The following ABHD6 variants were observed in gnomAD, a reference collection of about 807,000 sequenced individuals.
ABHD6 encodes the protein abhydrolase domain containing 6, acylglycerol lipase.
ABHD6 carries 33 observed loss-of-function variants against 38.8 expected under a neutral mutation model. That is an observed-to-expected ratio of 0.85 (90% CI 0.64 to 1.14). ABHD6 has a LOEUF of 1.14. ABHD6 is among the 50% of genes most tolerant of loss of function. ABHD6 has a pLI of 0.00. For synonymous variants in ABHD6, 147 were observed against 161.6 expected (o/e 0.91, Z 0.69); for missense variants, 380 against 422.6 (o/e 0.90, Z 0.88).
intron 1 of ABHD6, among the ~76,000 whole-genome samples, chr3:58,241,107 A>G (rs887894305): frequency 1.3e-5 from 2 of 152,188 alleles, no homozygotes; most frequent in African/African-American, 2.4e-5. Flanking sequence ...GGTAGAGGCC[A>G]GGGATGCTGC....
At chr3:58,279,163 C>A (rs2097451027) in intron 7 of ABHD6, among the ~76,000 whole-genome samples, 1 of 152,024 alleles carries the variant, frequency 6.6e-6, no homozygotes, top group Non-Finnish European at 1.5e-5. Flanking sequence ...CCTTGTTAAC[C>A]TTCTGTCTCA....
chr3:58,244,306 G>C (rs920055756), intron 1 of ABHD6, among the ~76,000 whole-genome samples: 8 of 152,130 alleles, frequency 5.3e-5, no homozygotes, highest in Non-Finnish European at 1.2e-4. Context: ...CTCCTTTAGG[G>C]GAGAGACTTG....
At chr3:58,262,167 T>C (rs1362383436) in intron 3 of ABHD6, among the ~76,000 whole-genome samples, 1 of 152,212 alleles carries the variant, frequency 6.6e-6, no homozygotes, top group Non-Finnish European at 1.5e-5. Flanking sequence ...TAGAGGTTGC[T>C]AGGGGACTGG....
intron 6 of ABHD6, among the ~76,000 whole-genome samples, chr3:58,274,406 C>T (rs2097447249): frequency 1.3e-5 from 2 of 152,172 alleles, no homozygotes; most frequent in Admixed American, 1.3e-4. Context: ...TTCTTGTGGG[C>T]TTTTGATGCT....
intron 7 of ABHD6, among the ~76,000 whole-genome samples, chr3:58,281,837 C>T (rs762906815): frequency 9.9e-5 from 15 of 152,156 alleles, no homozygotes; most frequent in Middle Eastern, 3.4e-3. Flanking sequence ...AAACTCAGGC[C>T]GGGTGCGGTG....
In ABHD6 at chr3:58,249,926, G is replaced by T. The variant is rs775596254; in HGVS notation, c.-42G>T. ...GAGCCAGTAGCAGTTGGGAAAGAAG[G>T]CTGTGCTCTTTGAAGAGTGAGTATG... On this transcript the variant is annotated 5_prime_UTR_variant, in exon 2 of 10. Coordinates refer to ENST00000478253, the MANE Select transcript of ABHD6 (RefSeq NM_001320126.2). 7.2e-5 allele frequency: 11 copies of T among 152,190 alleles called. No individual in the cohort carries two copies. The highest frequency in any genetic ancestry group is 1.6e-4 in the Non-Finnish European group (11 of 68,050). The allele number at this position is 152,190 out of a possible 1,614,324, so 9.4% of individuals were successfully genotyped here.
At chr3:58,283,378 C>T (rs2097454676) in intron 7 of ABHD6, among the ~76,000 whole-genome samples, 1 of 152,196 alleles carries the variant, frequency 6.6e-6, no homozygotes, top group Non-Finnish European at 1.5e-5. Context: ...AGAAGGAGCA[C>T]CTGCACACTC....
chr3:58,260,333 A>C (rs1433135878), intron 3 of ABHD6, among the ~76,000 whole-genome samples: 2 of 152,336 alleles, frequency 1.3e-5, no homozygotes, highest in East Asian at 3.9e-4. Context: ...GAACTCAGGC[A>C]CACAGGCCAA....
intron 9 of ABHD6, among the ~76,000 whole-genome samples, chr3:58,290,480 C>T (rs1170977358): frequency 7.8e-6 from 1 of 128,134 alleles, no homozygotes; most frequent in Non-Finnish European, 1.7e-5. Flanking sequence ...CTGACCCCCC[C>T]ACCTCCCTCC....
At position 58,270,966 on chromosome 3, in the gene ABHD6, T is replaced by C. The variant is rs1400533760; in HGVS notation, c.425T>C (p.Phe142Ser). Residue 142 changes from phenylalanine to serine, a missense_variant, in exon 6 of 10, where the codon TTC (phenylalanine) becomes TCC (serine). Transcript: ENST00000478253. Reference sequence around the variant, plus strand: ...TGCCTGAAGCTGAACAAAAAACCTTTCCACCTGGTAGGCACCTCCATGGGT... The same window carrying C: ...TGCCTGAAGCTGAACAAAAAACCTTCCCACCTGGTAGGCACCTCCATGGGT... ...VECLKLNKKP[F>S]HLVGTSMGGQ... The C allele has an allele frequency of 6.2e-7, 1 of 1,610,468 alleles. No individual in the cohort carries two copies. The highest frequency in any genetic ancestry group is 8.5e-7 in the Non-Finnish European group (1 of 1,179,022).
intron 9 of ABHD6, among the ~76,000 whole-genome samples, chr3:58,292,346 G>C (rs1056276386): frequency 2.0e-5 from 3 of 152,206 alleles, no homozygotes; most frequent in Admixed American, 6.5e-5. Flanking sequence ...TTAAGGATGG[G>C]GAGGAGGGGC....
intron 1 of ABHD6, among the ~76,000 whole-genome samples, chr3:58,245,773 C>G (rs1401119311): frequency 4.7e-5 from 7 of 149,796 alleles, no homozygotes; most frequent in Non-Finnish European, 3.0e-5. Context: ...GAGGGAGACC[C>G]TGTCTCAAAA....
chr3:58,272,977 A>C (rs1045393679), intron 6 of ABHD6, among the ~76,000 whole-genome samples: 2 of 152,174 alleles, frequency 1.3e-5, no homozygotes, highest in African/African-American at 4.8e-5. Flanking sequence ...TTAGTATATT[A>C]CTGTTAACTA....
intron 7 of ABHD6, among the ~76,000 whole-genome samples, chr3:58,278,386 G>C (rs143637423): frequency 1.3e-5 from 2 of 152,158 alleles, no homozygotes; most frequent in Non-Finnish European, 2.9e-5. Context: ...GTTAATTTGC[G>C]TAGAGGTGTT....
Position 58,293,064 on chromosome 3 carries a change from G to A in ABHD6, c.838-525G>A, listed in dbSNP as rs943572960. On this transcript the variant is annotated intron_variant, in intron 9 of 9. Coordinates refer to ENST00000478253, the MANE Select transcript of ABHD6 (RefSeq NM_001320126.2). The surrounding 1 kb of genome is among the most constrained non-coding windows in gnomAD (Gnocchi z 4.4). The stretch of plus-strand genomic sequence containing the variant: ...CCTGTGGTTCCCCATGGTCCGTGTG[G>A]CTGTAGGAGCAGCGCCCTCCTCTCT... Among the ~76,000 whole-genome samples, 4 of 152,112 alleles carry A rather than the reference G, an allele frequency of 2.6e-5. No homozygotes were observed. Among genetic ancestry groups the A allele is most frequent in the African/African-American group, 9.7e-5 (4 of 41,400 alleles).
intron 7 of ABHD6, among the ~76,000 whole-genome samples, chr3:58,279,311 A>T (rs1296505997): frequency 6.6e-6 from 1 of 152,162 alleles, no homozygotes; most frequent in Non-Finnish European, 1.5e-5. Context: ...TATATTTAGG[A>T]TAGTTAGCTC....
intron 7 of ABHD6, among the ~76,000 whole-genome samples, chr3:58,276,910 G>GATC: frequency 6.6e-6 from 1 of 152,340 alleles, no homozygotes; most frequent in South Asian, 2.1e-4. Flanking sequence ...GTTTGTCAAA[G>GATC]ATCAGATGGT....
In ABHD6 at chr3:58,260,773, G is replaced by A. The variant is rs907970450; in HGVS notation, c.119+4068G>A. Among the ~76,000 whole-genome samples, 11 of 152,136 alleles carry A rather than the reference G, an allele frequency of 7.2e-5. 1 individual carries two copies. In the East Asian group the frequency reaches 1.2e-3, roughly 16 times the overall value. On this transcript the variant is annotated intron_variant, in intron 3 of 9. Coordinates refer to ENST00000478253, the MANE Select transcript of ABHD6 (RefSeq NM_001320126.2). ...GCTTGGCACCCAGTCCCCGTTCCCC[G>A]CTGCCCTGCCATATGAGCATAAGGG...
At chr3:58,239,696 G>A (rs1205376101) in intron 1 of ABHD6, among the ~76,000 whole-genome samples, 2 of 152,136 alleles carry the variant, frequency 1.3e-5, no homozygotes, top group African/African-American at 4.8e-5. Context: ...TGGGAATGCA[G>A]TTTGTGCAAC....
Sources: allele counts gnomAD v4.1 joint callset (sites outside exome capture counted in the v4.1 genomes callset), GRCh38; gene constraint gnomAD v4.1.1; non-coding constraint Gnocchi (gnomAD v3.1); transcripts MANE v1.5; gene names NCBI Gene and HGNC (gene_info 2026-07-23, HGNC 2026-07-21).